Variants in ESRRG observed in about 807,000 individuals in gnomAD.
ESRRG encodes the protein estrogen-related receptor gamma.
A neutral mutation model predicts 44.0 loss-of-function variants in ESRRG; 13 were observed. The observed-to-expected ratio is 0.30, with a 90% CI of 0.19 to 0.47. The LOEUF is 0.47. Ranked by LOEUF, ESRRG falls within the 20% of genes least tolerant of loss-of-function variation. The probability of loss-of-function intolerance (pLI) is 1.00; values close to 1 mark genes in which losing one functional copy is unlikely to be tolerated. For synonymous variants in ESRRG, 215 were observed against 214.6 expected, an observed-to-expected ratio of 1.00 and a Z score of -0.02; for missense variants, 395 against 580.6, an observed-to-expected ratio of 0.68 and a Z score of 3.29.
chr1:216,591,224 A>G (rs1466046169), intron 3 of ESRRG, among the ~76,000 whole-genome samples: 1 of 152,256 alleles, frequency 6.6e-6, no homozygotes, highest in African/African-American at 2.4e-5. Flanking sequence ...GACTGAGTTC[A>G]TCAATGATGA....
At chr1:216,891,457 T>G (rs140039603) in intron 2 of ESRRG, among the ~76,000 whole-genome samples, 1 of 152,356 alleles carries the variant, frequency 6.6e-6, no homozygotes, top group East Asian at 1.9e-4. Flanking sequence ...CACGTGCACA[T>G]GCACACGCAC....
At chr1:216,987,579 A>G (rs1480239333) in intron 1 of ESRRG, among the ~76,000 whole-genome samples, 1 of 152,210 alleles carries the variant, frequency 6.6e-6, no homozygotes, top group Non-Finnish European at 1.5e-5. Context: ...TCTATTCTGT[A>G]GAAGAGTTTG....
At chr1:216,575,836 G>A (rs545759359) in intron 3 of ESRRG, among the ~76,000 whole-genome samples, 40 of 152,120 alleles carry the variant, frequency 2.6e-4, no homozygotes, top group African/African-American at 8.9e-4. Flanking sequence ...ATGATATGGG[G>A]CACATATAAA....
At chr1:217,100,051 A>G (rs1045328687) in intron 1 of ESRRG, among the ~76,000 whole-genome samples, 8 of 152,128 alleles carry the variant, frequency 5.3e-5, no homozygotes, top group East Asian at 1.9e-4. Flanking sequence ...TATTAAACAC[A>G]CTAGAAACTG....
chr1:216,974,719 T>A lies in ESRRG; in HGVS notation c.-105-35046A>T, dbSNP rs562070628. ...AATGACAAGGACCTGTCCTTCAAAG[T>A]TTTAGTCTGTGGGCAGAGAATTAGC... is the stretch of plus-strand genomic sequence containing the variant. On this transcript the variant is annotated intron_variant, in intron 1 of 7. Coordinates refer to the ESRRG transcript ENST00000359162. Among the ~76,000 whole-genome samples the A allele has an allele frequency of 3.3e-5, 5 of 152,184 alleles. No individual in the cohort carries two copies. In the East Asian group the frequency reaches 9.7e-4, roughly 29 times the overall value.
Position 216,814,525 on chromosome 1 carries a change from CAGCATA to C in ESRRG, c.-14+125051_-14+125056del, listed in dbSNP as rs142170502. Among the ~76,000 whole-genome samples the C allele has an allele frequency of 1.8e-3, 269 of 152,280 alleles. 2 individuals are homozygous for C. Among genetic ancestry groups the C allele is most frequent in the African/African-American group, 6.1e-3 (253 of 41,558 alleles). On this transcript the variant is annotated intron_variant, in intron 2 of 7. Coordinates refer to the ESRRG transcript ENST00000359162. ...AGACACAACTCATTATTAATAGAAG[CAGCATA>C]AAGATTTCTCATTTTCTATGCTTTT... is the stretch of plus-strand genomic sequence containing the variant.
chr1:216,932,719 GT>G (rs397860904), intron 2 of ESRRG, among the ~76,000 whole-genome samples: 13,134 of 70,388 alleles, frequency 0.19, 892 homozygotes, highest in African/African-American at 0.29. Flanking sequence ...CACCAAACTT[GT>G]TTTTTTTTTT....
At chr1:216,634,161 G>T (rs913603199) in intron 3 of ESRRG, among the ~76,000 whole-genome samples, 11 of 152,150 alleles carry the variant, frequency 7.2e-5, no homozygotes, top group African/African-American at 2.7e-4. Flanking sequence ...GAAGCATAAT[G>T]CTTCAGGTAT....
intron 3 of ESRRG, among the ~76,000 whole-genome samples, chr1:216,635,275 C>T (rs1378607118): frequency 6.6e-6 from 1 of 152,154 alleles, no homozygotes; most frequent in Non-Finnish European, 1.5e-5. Flanking sequence ...ACTTCTCTGG[C>T]TAGAGTAATG....
chr1:216,988,251 G>C (rs1416537), intron 1 of ESRRG, among the ~76,000 whole-genome samples: 37,621 of 151,948 alleles, frequency 0.25, 4,957 homozygotes, highest in Admixed American at 0.32. Context: ...CCAACAGCAT[G>C]ATTGCTTTCT....
chr1:216,605,442 C>A (rs1192664210), intron 3 of ESRRG, among the ~76,000 whole-genome samples: 1 of 151,978 alleles, frequency 6.6e-6, no homozygotes, highest in African/African-American at 2.4e-5. Context: ...TAGCCAGTAT[C>A]TGAGTAAGAT....
At chr1:217,089,333 A>G (rs538114425) in intron 1 of ESRRG, among the ~76,000 whole-genome samples, 1 of 148,492 alleles carries the variant, frequency 6.7e-6, no homozygotes, top group East Asian at 2.0e-4. Flanking sequence ...GGCAGTACTT[A>G]TGGTTGTGTT....
intron 3 of ESRRG, among the ~76,000 whole-genome samples, chr1:216,611,061 G>A (rs2060581043): frequency 6.6e-6 from 1 of 151,782 alleles, no homozygotes; most frequent in Non-Finnish European, 1.5e-5. Flanking sequence ...AAATTAGCTG[G>A]GCGTAGTGGC....
chr1:217,134,145 A>C (rs1366133309), intron 1 of ESRRG, among the ~76,000 whole-genome samples: 1 of 152,034 alleles, frequency 6.6e-6, no homozygotes, highest in African/African-American at 2.4e-5. Flanking sequence ...TGAGCTCGGG[A>C]GGGAACTGGG....
chr1:216,868,473 GACATTC>G (rs1369332032), intron 2 of ESRRG, among the ~76,000 whole-genome samples: 1 of 152,102 alleles, frequency 6.6e-6, no homozygotes. Flanking sequence ...ACCCTTGAAG[GACATTC>G]ACATTGTTTA....
chr1:216,629,779 T>C (rs936679869), intron 3 of ESRRG, among the ~76,000 whole-genome samples: 1 of 152,228 alleles, frequency 6.6e-6, no homozygotes, highest in East Asian at 1.9e-4. Flanking sequence ...TTGATGATTT[T>C]GTTTTGGTGT....
At chr1:217,036,332 T>C (rs188991303) in intron 1 of ESRRG, among the ~76,000 whole-genome samples, 130 of 152,268 alleles carry the variant, frequency 8.5e-4, no homozygotes, top group East Asian at 3.3e-3. Context: ...AAGGAATATA[T>C]ATTGTTCTAT....
chr1:217,021,691 G>A (rs1579617542), intron 1 of ESRRG, among the ~76,000 whole-genome samples: 1 of 152,176 alleles, frequency 6.6e-6, no homozygotes, highest in African/African-American at 2.4e-5. Context: ...AGCAAATCAG[G>A]CAAGCACTTA....
intron 1 of ESRRG, among the ~76,000 whole-genome samples, chr1:217,118,889 G>C (rs1187256256): frequency 6.6e-6 from 1 of 152,068 alleles, no homozygotes; most frequent in African/African-American, 2.4e-5. Flanking sequence ...AGCTACTCCA[G>C]AGGCTGAGGC....
Sources: gnomAD v4.1 joint callset for allele counts (sites outside exome capture counted in the v4.1 genomes callset) on GRCh38, gnomAD v4.1.1 for gene constraint, MANE v1.5 for transcripts, NCBI Gene and HGNC (gene_info 2026-07-23, HGNC 2026-07-21) for gene names.